LUZP2: variants seen among roughly 807,000 people sequenced by gnomAD.
LUZP2 encodes leucine zipper protein 2.
A neutral mutation model predicts 51.6 loss-of-function variants in LUZP2; 52 were observed. That is an observed-to-expected ratio of 1.01 (90% CI 0.81 to 1.27). LUZP2 has a LOEUF of 1.27. Ranked by LOEUF, LUZP2 falls within the 50% of genes most tolerant of loss-of-function variation. The pLI is 0.00. For synonymous variants in LUZP2, 154 were observed against 137.3 expected, an observed-to-expected ratio of 1.12 and a Z score of -0.85; for missense variants, 436 against 395.4, an observed-to-expected ratio of 1.10 and a Z score of -0.87.
intron 1 of LUZP2, among the ~76,000 whole-genome samples, chr11:24,617,881 C>A (rs1182833435): frequency 6.6e-6 from 1 of 151,910 alleles, no homozygotes; most frequent in Non-Finnish European, 1.5e-5. Flanking sequence ...AAATAAAACA[C>A]CTGGATCCTG....
intron 7 of LUZP2, among the ~76,000 whole-genome samples, chr11:24,921,324 A>T (rs909647538): frequency 6.6e-6 from 1 of 152,080 alleles, no homozygotes; most frequent in African/African-American, 2.4e-5. Flanking sequence ...GATTGGTTTG[A>T]CCAGGTGTGT....
chr11:25,046,774 T>A (rs537558273), intron 9 of LUZP2, among the ~76,000 whole-genome samples: 1 of 152,272 alleles, frequency 6.6e-6, no homozygotes, highest in South Asian at 2.1e-4. Context: ...ATAATATACA[T>A]TTTTTAAAAT....
chr11:24,759,947 T>C (rs1161991900), intron 4 of LUZP2, among the ~76,000 whole-genome samples: 2 of 151,928 alleles, frequency 1.3e-5, no homozygotes, highest in East Asian at 3.9e-4. Flanking sequence ...GGCTACAGCT[T>C]GGTTTTATAT....
intron 1 of LUZP2, among the ~76,000 whole-genome samples, chr11:24,664,984 C>G (rs1176705024): frequency 6.6e-6 from 1 of 152,082 alleles, no homozygotes; most frequent in Non-Finnish European, 1.5e-5. Flanking sequence ...TCCTCCAGAC[C>G]CCAGAATGGT....
At chr11:24,831,153 G>A (rs186050421) in intron 5 of LUZP2, among the ~76,000 whole-genome samples, 2 of 152,264 alleles carry the variant, frequency 1.3e-5, no homozygotes, top group African/African-American at 4.8e-5. Flanking sequence ...AGCAGTTATC[G>A]TATTACGTTG....
At chr11:24,709,517 C>A (rs1267015842) in intron 1 of LUZP2, among the ~76,000 whole-genome samples, 4 of 152,014 alleles carry the variant, frequency 2.6e-5, no homozygotes, top group African/African-American at 9.7e-5. Context: ...CAATTTCTGG[C>A]AATTGTATTT....
At chr11:24,908,707 T>G (rs1853535081) in intron 6 of LUZP2, among the ~76,000 whole-genome samples, 2 of 152,012 alleles carry the variant, frequency 1.3e-5, no homozygotes, top group African/African-American at 4.8e-5. Flanking sequence ...TGCATAATCT[T>G]TCCTGAAATC....
chr11:24,931,060 A>C (rs1048819062), intron 7 of LUZP2, among the ~76,000 whole-genome samples: 1 of 151,736 alleles, frequency 6.6e-6, no homozygotes, highest in African/African-American at 2.4e-5. Flanking sequence ...AAACTACAAA[A>C]ATTGGCTGGG....
chr11:24,586,345 G>A (rs1409367199), intron 1 of LUZP2, among the ~76,000 whole-genome samples: 1 of 151,762 alleles, frequency 6.6e-6, no homozygotes, highest in Non-Finnish European at 1.5e-5. Flanking sequence ...ATTTTGTTGT[G>A]TTTTTTAGAG....
intron 5 of LUZP2, among the ~76,000 whole-genome samples, chr11:24,773,826 C>G (rs1489693373): frequency 1.3e-5 from 2 of 152,154 alleles, no homozygotes; most frequent in Non-Finnish European, 2.9e-5. Flanking sequence ...GGGAAAATCT[C>G]TAGCATGGTC....
At chr11:24,668,012 A>C (rs1856274231) in intron 1 of LUZP2, among the ~76,000 whole-genome samples, 1 of 152,242 alleles carries the variant, frequency 6.6e-6, no homozygotes, top group African/African-American at 2.4e-5. Flanking sequence ...AACTAATATC[A>C]TCCACAGGAT....
rs150354674 is a variant in LUZP2, at chr11:24,525,254, C to G, written c.62+27949C>G. ...TAAAATAGTGCTAATTGGTTAAATG[C>G]TTCATGAGGAAGAACATTAGGCACA... On this transcript the variant is annotated intron_variant, in intron 1 of 11. Transcript: ENST00000336930. Among the ~76,000 whole-genome samples the G allele has an allele frequency of 4.3e-3, 649 of 151,730 alleles. 2 individuals carry two copies. Among genetic ancestry groups the G allele is most frequent in the Non-Finnish European group, 7.2e-3 (484 of 67,666 alleles).
chr11:24,788,518 C>T (rs1849313211), intron 5 of LUZP2, among the ~76,000 whole-genome samples: 1 of 152,062 alleles, frequency 6.6e-6, no homozygotes. Flanking sequence ...TCTTCTTTGT[C>T]CTCAAACTGA....
At chr11:24,856,119 C>T (rs1221024898) in intron 5 of LUZP2, among the ~76,000 whole-genome samples, 2 of 151,922 alleles carry the variant, frequency 1.3e-5, no homozygotes, top group Non-Finnish European at 2.9e-5. Flanking sequence ...GTTAATTTTA[C>T]TAAAAGCTTC....
intron 9 of LUZP2, among the ~76,000 whole-genome samples, chr11:25,044,223 G>A (rs969505461): frequency 7.4e-5 from 7 of 94,288 alleles, no homozygotes; most frequent in African/African-American, 1.5e-4. Context: ...ATATATATGT[G>A]TGTGTATGTG....
At chr11:24,799,467 G>T (rs1266964106) in intron 5 of LUZP2, among the ~76,000 whole-genome samples, 1 of 151,884 alleles carries the variant, frequency 6.6e-6, no homozygotes, top group Non-Finnish European at 1.5e-5. Context: ...GTGGTGGCAG[G>T]CGCCTGTAAT....
chr11:24,734,265 C>CA (rs11422542), intron 3 of LUZP2, among the ~76,000 whole-genome samples: 118,995 of 151,450 alleles, frequency 0.79, 47,095 homozygotes, highest in Admixed American at 0.87. Context: ...GATGAGGAGA[C>CA]GGCTTATGCA....
At chr11:24,743,419 A>G (rs985803862) in intron 4 of LUZP2, among the ~76,000 whole-genome samples, 6 of 151,930 alleles carry the variant, frequency 3.9e-5, no homozygotes, top group Admixed American at 1.3e-4. Context: ...TTGGTTAGGT[A>G]TATTCCTAAG....
At position 24,983,114 on chromosome 11, in the gene LUZP2, C is replaced by CT. The variant is rs747238919; in HGVS notation, c.598-5dup. ...GCTAAATGTAAATATGTTAATGCCT[C>CT]TTTTTTTGTAGGAGTCACAGATGAA... On this transcript the variant is annotated splice_polypyrimidine_tract_variant and intron_variant, in intron 8 of 11. Transcript: ENST00000336930. The CT allele has an allele frequency of 1.9e-6, 3 of 1,609,830 alleles. No individual in the cohort carries two copies. Among genetic ancestry groups the CT allele is most frequent in the South Asian group, 2.2e-5 (2 of 90,730 alleles).
Sources: allele counts gnomAD v4.1 joint callset (sites outside exome capture counted in the v4.1 genomes callset), GRCh38; gene constraint gnomAD v4.1.1; transcripts MANE v1.5; gene names NCBI Gene and HGNC (gene_info 2026-07-23, HGNC 2026-07-21).